The following CHCHD3 variants were observed in gnomAD, a reference collection of about 807,000 sequenced individuals.
CHCHD3 encodes MICOS complex subunit MIC19.
A neutral mutation model predicts 38.2 loss-of-function variants in CHCHD3; 20 were observed. The ratio of observed to expected loss-of-function variants is 0.52; its 90% CI spans 0.37 to 0.76. The LOEUF is 0.76. Among genes scored for constraint, CHCHD3 ranks in the 30% least tolerant of loss-of-function variants. The pLI, the probability that CHCHD3 is intolerant of heterozygous loss-of-function variation, is 0.00. For synonymous variants in CHCHD3, 82 were observed against 100.0 expected (o/e 0.82, Z 1.07); for missense variants, 245 against 279.2 (o/e 0.88, Z 0.87).
At chr7:132,913,989 T>C (rs1810035208) in intron 4 of CHCHD3, among the ~76,000 whole-genome samples, 1 of 147,524 alleles carries the variant, frequency 6.8e-6, no homozygotes, top group South Asian at 2.2e-4. Flanking sequence ...TCTTGCTCTA[T>C]TGCCCAGGCT....
chr7:132,935,225 G>A (rs1223201252), intron 4 of CHCHD3, among the ~76,000 whole-genome samples: 1 of 152,200 alleles, frequency 6.6e-6, no homozygotes, highest in Non-Finnish European at 1.5e-5. Flanking sequence ...AGTACCTGAG[G>A]CAGCACATGA....
chr7:132,808,742 T>C (rs967767469), intron 6 of CHCHD3, among the ~76,000 whole-genome samples: 22 of 152,046 alleles, frequency 1.4e-4, no homozygotes, highest in African/African-American at 3.1e-4. Flanking sequence ...TTTCCTTTTT[T>C]TTTTTATTAT....
At chr7:133,039,318 A>G (rs1266339813) in intron 2 of CHCHD3, among the ~76,000 whole-genome samples, 1 of 152,210 alleles carries the variant, frequency 6.6e-6, no homozygotes, top group Non-Finnish European at 1.5e-5. Context: ...CTTTATCTTG[A>G]GTTTAATCAT....
intron 6 of CHCHD3, among the ~76,000 whole-genome samples, chr7:132,835,560 C>T (rs1307508004): frequency 6.6e-6 from 1 of 152,158 alleles, no homozygotes; most frequent in Non-Finnish European, 1.5e-5. Flanking sequence ...GCACTCCAAA[C>T]CTAGTTCAGG....
chr7:132,829,657 T>C (rs1392948164), intron 6 of CHCHD3, among the ~76,000 whole-genome samples: 4 of 152,348 alleles, frequency 2.6e-5, no homozygotes, highest in East Asian at 1.9e-4. Flanking sequence ...CTCCAGGTCA[T>C]GGACTTACGA....
At chr7:132,836,010 C>T (rs183826214) in intron 6 of CHCHD3, among the ~76,000 whole-genome samples, 70 of 152,262 alleles carry the variant, frequency 4.6e-4, no homozygotes, top group Non-Finnish European at 6.9e-4. Context: ...AGACTTCTAG[C>T]CTCCAGAACT....
chr7:132,786,793 C>T (rs1355319429), intron 7 of CHCHD3, among the ~76,000 whole-genome samples: 1 of 152,172 alleles, frequency 6.6e-6, no homozygotes, highest in Non-Finnish European at 1.5e-5. Flanking sequence ...TAATAATTTG[C>T]TAATTTTTAT....
At chr7:133,001,804 C>A (rs1402609165) in intron 3 of CHCHD3, among the ~76,000 whole-genome samples, 1 of 152,176 alleles carries the variant, frequency 6.6e-6, no homozygotes, top group African/African-American at 2.4e-5. Flanking sequence ...GGAAACGATT[C>A]TCTGAAATGA....
chr7:132,990,599 G>C (rs1431763923), intron 3 of CHCHD3, among the ~76,000 whole-genome samples: 21 of 152,164 alleles, frequency 1.4e-4, no homozygotes, highest in Non-Finnish European at 2.9e-5. Context: ...CGTAAGCTAT[G>C]AAATAACATG....
At chr7:132,984,198 G>T (rs1040075990) in intron 3 of CHCHD3, among the ~76,000 whole-genome samples, 1 of 151,602 alleles carries the variant, frequency 6.6e-6, no homozygotes, top group Non-Finnish European at 1.5e-5. Flanking sequence ...GAGTGCCTGC[G>T]ATTGCAGGCG....
intron 2 of CHCHD3, among the ~76,000 whole-genome samples, chr7:133,057,576 A>G (rs1196859156): frequency 2.0e-5 from 3 of 152,146 alleles, no homozygotes; most frequent in Non-Finnish European, 4.4e-5. Flanking sequence ...AAAGAAAAAA[A>G]AAGAAAAAAG....
chr7:132,999,183 G>T (rs56249387), intron 3 of CHCHD3, among the ~76,000 whole-genome samples: 2 of 152,052 alleles, frequency 1.3e-5, no homozygotes. Flanking sequence ...TTTCCAGTTC[G>T]CAATGGCCAT....
intron 4 of CHCHD3, among the ~76,000 whole-genome samples, chr7:132,929,724 C>T (rs1049608102): frequency 6.6e-6 from 1 of 152,120 alleles, no homozygotes; most frequent in Non-Finnish European, 1.5e-5. Context: ...TTACTTCTTG[C>T]CATACTCCAT....
At chr7:132,833,552 C>T (rs1807699137) in intron 6 of CHCHD3, among the ~76,000 whole-genome samples, 1 of 152,140 alleles carries the variant, frequency 6.6e-6, no homozygotes, top group South Asian at 2.1e-4. Context: ...TTGTTTTTCT[C>T]TGATGAACTC....
intron 4 of CHCHD3, among the ~76,000 whole-genome samples, chr7:132,923,183 T>A (rs1195894285): frequency 6.6e-6 from 1 of 152,194 alleles, no homozygotes; most frequent in African/African-American, 2.4e-5. Context: ...CCAAAATTGA[T>A]CAAAATTCAA....
In CHCHD3 at chr7:133,022,404, A is replaced by G. The variant is rs528159701; in HGVS notation, c.251+2142T>C. On this transcript the variant is annotated intron_variant, in intron 3 of 7. Coordinates refer to ENST00000262570, the MANE Select transcript of CHCHD3 (RefSeq NM_017812.4). Reference sequence around the variant, plus strand: ...TCTCGATTCAATTCAGGCAATACATACAATAACGTATACATGTTCTGTGAC... The same window carrying G: ...TCTCGATTCAATTCAGGCAATACATGCAATAACGTATACATGTTCTGTGAC... The G allele has an allele frequency of 8.8e-6, 4 of 456,726 alleles. No homozygotes were observed. The East Asian group carries it at 2.8e-4, about 32-fold the overall frequency. 28.3% of individuals were successfully genotyped at this position (456,726 alleles called of 1,614,324 possible). A position where few individuals can be genotyped will look rare whatever the true frequency, so the allele number is the denominator to read the frequency against.
chr7:132,984,794 TC>T (rs1239075946), intron 3 of CHCHD3, among the ~76,000 whole-genome samples: 3 of 124,954 alleles, frequency 2.4e-5, no homozygotes, highest in Non-Finnish European at 5.1e-5. Context: ...CGGCAGCCAC[TC>T]CGTCTGGGAA....
intron 3 of CHCHD3, among the ~76,000 whole-genome samples, chr7:132,999,395 A>G (rs1812509026): frequency 6.6e-6 from 1 of 152,212 alleles, no homozygotes; most frequent in African/African-American, 2.4e-5. Context: ...AGCATTAACC[A>G]ATAGGAACAA....
chr7:132,900,031 C>T (rs1809624992), intron 4 of CHCHD3, among the ~76,000 whole-genome samples: 1 of 152,202 alleles, frequency 6.6e-6, no homozygotes, highest in South Asian at 2.1e-4. Flanking sequence ...CAGGGGCAGA[C>T]ACTGTGTGGC....
Sources: allele counts gnomAD v4.1 joint callset (sites outside exome capture counted in the v4.1 genomes callset), GRCh38; gene constraint gnomAD v4.1.1; transcripts MANE v1.5; gene names NCBI Gene and HGNC (gene_info 2026-07-23, HGNC 2026-07-21).